Variants in FOXN2 observed in about 807,000 individuals in gnomAD.
FOXN2 encodes the protein forkhead box N2.
A neutral mutation model predicts 41.2 loss-of-function variants in FOXN2; 19 were observed. The observed-to-expected ratio is 0.46, with a 90% CI of 0.32 to 0.68. The LOEUF (loss-of-function observed/expected upper bound fraction) is 0.68. Among genes scored for constraint, FOXN2 ranks in the 30% least tolerant of loss-of-function variants. FOXN2 has a pLI of 0.03. For missense variants in FOXN2, 587 were observed against 509.4 expected, an observed-to-expected ratio of 1.15 and a Z score of -1.47; for synonymous variants, 195 against 176.8, an observed-to-expected ratio of 1.10 and a Z score of -0.82.
In FOXN2 at chr2:48,375,126, G is replaced by A. The variant is rs1266411241; in HGVS notation, c.979G>A (p.Asp327Asn). 1 of 1,614,006 alleles carries A rather than the reference G, an allele frequency of 6.2e-7. No individual in the cohort carries two copies. The highest frequency in any genetic ancestry group is 8.5e-7 in the Non-Finnish European group (1 of 1,179,984). ...TAGCGTGTCTTCCCTGTCTTCTGTG[G>A]ATGAGGTATATGAATTTATCCCAAA... ...RSSVSSLSSV[D>N]EVYEFIPKNS... is the part of the protein sequence containing the mutation. The change falls in exon 7 of 7, where the codon GAT (aspartate) becomes AAT (asparagine). Residue 327 changes from aspartate to asparagine, a missense_variant. By Grantham distance (23) the Asp-to-Asn change is conservative (BLOSUM62 1). Coordinates refer to ENST00000340553, the MANE Select transcript of FOXN2 (RefSeq NM_002158.4).
intron 1 of FOXN2, among the ~76,000 whole-genome samples, chr2:48,318,911 A>G (rs1438014749): frequency 6.6e-6 from 1 of 152,236 alleles, no homozygotes; most frequent in Non-Finnish European, 1.5e-5. Flanking sequence ...TTTAGAATAT[A>G]TGTTATTAGC....
chr2:48,329,621 C>T (rs1234959610), intron 2 of FOXN2, among the ~76,000 whole-genome samples: 1 of 152,106 alleles, frequency 6.6e-6, no homozygotes, highest in Non-Finnish European at 1.5e-5. Context: ...CCCTAAGAGA[C>T]CATAATGCTT....
At chr2:48,366,443 C>T (rs1258780573) in intron 5 of FOXN2, among the ~76,000 whole-genome samples, 1 of 151,934 alleles carries the variant, frequency 6.6e-6, no homozygotes, top group Non-Finnish European at 1.5e-5. Context: ...AAAAGTTCTC[C>T]CTGGCAGAGA....
chr2:48,346,168 G>A (rs757170138), intron 2 of FOXN2, 33 bp from the exon 3 acceptor site: 2 of 1,513,000 alleles, frequency 1.3e-6, no homozygotes, highest in Non-Finnish European at 1.8e-6. Context: ...AGAATCTAAA[G>A]TATTACATTG....
At chr2:48,315,288 C>T (rs912495974) in intron 1 of FOXN2, among the ~76,000 whole-genome samples, 2 of 152,168 alleles carry the variant, frequency 1.3e-5, no homozygotes, top group African/African-American at 2.4e-5. Context: ...CGAGACATGT[C>T]GGGCTCGGAG....
At chr2:48,347,933 TC>T (rs1158216996) in intron 3 of FOXN2, among the ~76,000 whole-genome samples, 4 of 152,168 alleles carry the variant, frequency 2.6e-5, no homozygotes, top group African/African-American at 9.7e-5. Context: ...CTGTCATTAT[TC>T]CTCTTTATGT....
intron 4 of FOXN2, among the ~76,000 whole-genome samples, chr2:48,361,072 A>C (rs1298022238): frequency 6.6e-6 from 1 of 152,012 alleles, no homozygotes; most frequent in Non-Finnish European, 1.5e-5. Flanking sequence ...ACCATCACAA[A>C]TATATTTTGC....
Position 48,346,242 on chromosome 2 carries a change from G to C in FOXN2, c.28G>C (p.Asp10His), listed in dbSNP as rs772596510. 1.2e-6 allele frequency: 2 copies of C among 1,612,920 alleles called. No homozygotes were observed. The highest frequency in any genetic ancestry group is 2.2e-5 in the South Asian group (2 of 90,964). Reference sequence around the variant, plus strand: ...GGGTCCAGTAATTGGAATGACTCCAGATAAGAGAGCTGAAACCCCAGGAGC... The same window carrying C: ...GGGTCCAGTAATTGGAATGACTCCACATAAGAGAGCTGAAACCCCAGGAGC... MGPVIGMTP[D>H]KRAETPGAEK... Residue 10 changes from aspartate (D) to histidine (H), a missense_variant, in exon 3 of 7, where the codon GAT (aspartate) becomes CAT (histidine). Coordinates refer to ENST00000340553, the MANE Select transcript of FOXN2 (RefSeq NM_002158.4).
intron 1 of FOXN2, among the ~76,000 whole-genome samples, chr2:48,319,646 C>G (rs867832777): frequency 4.6e-4 from 68 of 148,018 alleles, no homozygotes; most frequent in African/African-American, 1.6e-3. Flanking sequence ...CAGGGTCACA[C>G]TCAACCCTGC....
chr2:48,370,833 C>T (rs1672843963), intron 5 of FOXN2, among the ~76,000 whole-genome samples: 2 of 151,920 alleles, frequency 1.3e-5, no homozygotes. Flanking sequence ...CTTTTGTTAC[C>T]TATGTTTTTG....
At chr2:48,335,997 C>T (rs1670319165) in intron 2 of FOXN2, among the ~76,000 whole-genome samples, 1 of 150,210 alleles carries the variant, frequency 6.7e-6, no homozygotes, top group East Asian at 2.0e-4. Flanking sequence ...CACCGCACTC[C>T]AGCCTGGGCG....
chr2:48,317,970 C>G (rs2104036226), intron 1 of FOXN2, among the ~76,000 whole-genome samples: 1 of 152,170 alleles, frequency 6.6e-6, no homozygotes, highest in Non-Finnish European at 1.5e-5. Flanking sequence ...TGTCCTGCCA[C>G]TAATATAAAG....
chr2:48,369,504 C>T (rs368140821), intron 5 of FOXN2, among the ~76,000 whole-genome samples: 5 of 152,266 alleles, frequency 3.3e-5, no homozygotes, highest in East Asian at 1.9e-4. Flanking sequence ...TGCCATTGCA[C>T]TCCAGCCTGG....
intron 3 of FOXN2, among the ~76,000 whole-genome samples, chr2:48,348,074 G>A (rs1558627156): frequency 6.6e-6 from 1 of 150,976 alleles, no homozygotes; most frequent in Non-Finnish European, 1.5e-5. Context: ...GGTTCTCAGT[G>A]GTTCTTAAAT....
chr2:48,359,892 T>C (rs1400391962), intron 4 of FOXN2, among the ~76,000 whole-genome samples: 1 of 152,176 alleles, frequency 6.6e-6, no homozygotes, highest in Non-Finnish European at 1.5e-5. Flanking sequence ...AACAAGATTA[T>C]TAAGTTTGTC....
chr2:48,369,373 A>C (rs555200294), intron 5 of FOXN2, among the ~76,000 whole-genome samples: 2 of 152,238 alleles, frequency 1.3e-5, no homozygotes, highest in African/African-American at 4.8e-5. Flanking sequence ...CCCCATCTCT[A>C]CTAAAAATAC....
intron 5 of FOXN2, among the ~76,000 whole-genome samples, chr2:48,365,729 C>G (rs1672487807): frequency 6.6e-6 from 1 of 152,130 alleles, no homozygotes; most frequent in Non-Finnish European, 1.5e-5. Flanking sequence ...TAATAATTAA[C>G]TTAGTGGGGA....
chr2:48,320,438 A>C (rs144725424), intron 1 of FOXN2, among the ~76,000 whole-genome samples: 11,426 of 151,952 alleles, frequency 0.075, 594 homozygotes, highest in Non-Finnish European at 0.12. Flanking sequence ...CTACAGGCAC[A>C]CACCACCGCG....
chr2:48,334,958 C>T (rs1373084270), intron 2 of FOXN2, among the ~76,000 whole-genome samples: 2 of 152,190 alleles, frequency 1.3e-5, no homozygotes, highest in East Asian at 1.9e-4. Context: ...CATAAATTCA[C>T]ACTAAACCTT....
Sources: allele counts gnomAD v4.1 joint callset (sites outside exome capture counted in the v4.1 genomes callset), GRCh38; gene constraint gnomAD v4.1.1; transcripts MANE v1.5; gene names NCBI Gene and HGNC (gene_info 2026-07-23, HGNC 2026-07-21).